The following SMG1 variants were observed in gnomAD, a reference collection of about 807,000 sequenced individuals.
SMG1 encodes SMG1 nonsense mediated mRNA decay associated PI3K related kinase, also known as serine/threonine-protein kinase SMG1.
A neutral mutation model predicts 419.9 loss-of-function variants in SMG1; 22 were observed. The ratio of observed to expected loss-of-function variants is 0.05; its 90% confidence interval spans 0.04 to 0.07. The LOEUF (loss-of-function observed/expected upper bound fraction) is 0.07, where lower values mean the gene tolerates loss of function less well. SMG1 is among the 10% of genes least tolerant of loss of function. SMG1 has a pLI of 1.00. For synonymous variants in SMG1, 1,538 were observed against 1,553.5 expected, an observed-to-expected ratio of 0.99 and a Z score of 0.23; for missense variants, 3,185 against 4,342.0, an observed-to-expected ratio of 0.73 and a Z score of 7.49.
intron 1 of SMG1, among the ~76,000 whole-genome samples, chr16:18,904,760 C>A (rs933923258): frequency 9.3e-5 from 14 of 151,344 alleles, no homozygotes; most frequent in Admixed American, 2.6e-4. Context: ...TGTAGTGAAA[C>A]CCCGTCTCAA....
chr16:18,887,745 A>T (rs2036686628), intron 6 of SMG1, among the ~76,000 whole-genome samples: 1 of 139,338 alleles, frequency 7.2e-6, no homozygotes, highest in African/African-American at 2.7e-5. Context: ...ACCCAAAATA[A>T]AGCATATCAA....
chr16:18,820,481 G>C (rs1158819932), intron 55 of SMG1, among the ~76,000 whole-genome samples: 2 of 152,172 alleles, frequency 1.3e-5, no homozygotes, highest in South Asian at 2.1e-4. Context: ...TGGGATTATA[G>C]GCATGAACCA....
intron 51 of SMG1, among the ~76,000 whole-genome samples, chr16:18,831,788 TATAC>T (rs1352775312): frequency 1.4e-5 from 2 of 146,662 alleles, no homozygotes; most frequent in Admixed American, 6.8e-5. Context: ...TATATATATA[TATAC>T]ACACACACGT....
At position 18,819,436 on chromosome 16, in the gene SMG1, A is replaced by G. The variant is rs551270843; in HGVS notation, c.9894+66T>C. ...AAGCTCCCCTAGTTACCCCACATAT[A>G]ACTTCCAGCTACTCATCTAATCCTG... On this transcript the variant is annotated intron_variant, in intron 56 of 62. Coordinates refer to ENST00000446231, the MANE Select transcript of SMG1 (RefSeq NM_015092.5). The G allele has an allele frequency of 1.7e-5, 26 of 1,545,320 alleles. No individual in the cohort carries two copies. In the African/African-American group the frequency reaches 2.7e-4, roughly 16 times the overall value.
At chr16:18,873,166 C>G (rs1235384821) in intron 13 of SMG1, among the ~76,000 whole-genome samples, 1 of 151,976 alleles carries the variant, frequency 6.6e-6, no homozygotes, top group African/African-American at 2.4e-5. Flanking sequence ...CAAAACAAAA[C>G]AAAAAACACC....
chr16:18,894,884 C>G (rs1265034920), intron 3 of SMG1, among the ~76,000 whole-genome samples: 7 of 152,070 alleles, frequency 4.6e-5, no homozygotes, highest in Non-Finnish European at 8.8e-5. Context: ...GTGGCGCGAT[C>G]TAAGCTCACT....
chr16:18,907,845 CAA>C (rs71141092), intron 1 of SMG1, among the ~76,000 whole-genome samples: 783 of 54,908 alleles, frequency 0.014, 3 homozygotes, highest in African/African-American at 0.048. Flanking sequence ...GAACGAGACT[CAA>C]AAAAAAAAAA....
rs1156376532 is a variant in SMG1 at position 18,869,153 on chromosome 16, C to T, written c.2784G>A (p.Lys928=). Reference sequence around the variant, plus strand: ...GAGCTCTGCCCAGTGGGGTTCTCAGCTTAGAAAGAACAGTGAATTGTGCAG... The same window carrying T: ...GAGCTCTGCCCAGTGGGGTTCTCAGTTTAGAAAGAACAGTGAATTGTGCAG... ...WEAAQFTVLS[K]LRTPLGRAQD... The change falls in exon 20 of 63, where the codon AAG becomes AAA. Residue 928 remains lysine (K), a synonymous_variant. Transcript: ENST00000446231. 6.2e-7 allele frequency: 1 copy of T among 1,611,572 alleles called. No individual in the cohort carries two copies. The highest frequency in any genetic ancestry group is 8.5e-7 in the Non-Finnish European group (1 of 1,179,692).
chr16:18,819,561 C>G lies in SMG1; in HGVS notation c.9835G>C (p.Glu3279Gln). Residue 3279 changes from glutamate (E) to glutamine (Q), a missense_variant, in exon 56 of 63, where the codon GAA becomes CAA. Glu to Gln is a conservative substitution (Grantham distance 29). Coordinates refer to ENST00000446231, the MANE Select transcript of SMG1 (RefSeq NM_015092.5). Reference protein sequence around the residue: ...PALAPVLQDFEATIAERRNLV... With the variant: ...PALAPVLQDFQATIAERRNLV... ...TTTCTTCTTTCAGCTATCGTTGCTT[C>G]AAAATCTTGTAGTACAGGGGCCAAT... The G allele has an allele frequency of 6.2e-7, 1 of 1,604,884 alleles. No homozygotes were observed. The highest frequency in any genetic ancestry group is 8.5e-7 in the Non-Finnish European group (1 of 1,175,316).
At chr16:18,832,804 T>C in intron 51 of SMG1, 136 bp downstream of exon 51, 1 of 743,202 alleles carries the variant, frequency 1.3e-6, no homozygotes, top group South Asian at 1.8e-5. Context: ...TTTAAAAAGA[T>C]ACGTGTATGA....
At chr16:18,880,078 C>T (rs2036316088) in intron 10 of SMG1, among the ~76,000 whole-genome samples, 1 of 152,182 alleles carries the variant, frequency 6.6e-6, no homozygotes, top group African/African-American at 2.4e-5. Flanking sequence ...TGGGAATAGC[C>T]TGCCCACACA....
rs1352789885 is a variant in SMG1 at position 18,815,569 on chromosome 16, C to CATG, written c.10382_10384dup (p.Ser3461dup). On this transcript the variant is annotated inframe_insertion, in exon 59 of 63. Transcript: ENST00000446231. ...TAGAACTGTTTGAATGTTGTCTTGC[C>CATG]ATGATTTATATTCACCCAAAAACTG... The CATG allele has an allele frequency of 1.2e-6, 2 of 1,613,848 alleles. No individual in the cohort carries two copies. Among genetic ancestry groups the CATG allele is most frequent in the Non-Finnish European group, 1.7e-6 (2 of 1,179,884 alleles).
At chr16:18,896,682 A>T (rs1456141216) in intron 2 of SMG1, 111 bp downstream of exon 2, 6 of 691,202 alleles carry the variant, frequency 8.7e-6, no homozygotes, top group Non-Finnish European at 1.2e-5. Context: ...TTTGTTATTC[A>T]TATTTTAAAT....
Position 18,925,955 on chromosome 16 carries a change from T to C in SMG1, c.87A>G (p.Gln29=). The change falls in exon 1 of 63, where the codon CAA becomes CAG. Residue 29 remains glutamine, a synonymous_variant. Transcript: ENST00000446231. ...TKYPRSWNDW[Q]PRTDSASADP... is the part of the protein sequence containing the mutation. ...GTCCCGGGCCGGTCACCCACCTGGGTTGCCAGTCATTCCAGCTCCGCGGAT... is the reference window on the plus strand; with the variant it reads ...GTCCCGGGCCGGTCACCCACCTGGGCTGCCAGTCATTCCAGCTCCGCGGAT... The C allele has an allele frequency of 3.8e-6, 6 of 1,560,774 alleles. No homozygotes were observed. The highest frequency in any genetic ancestry group is 5.2e-6 in the Non-Finnish European group (6 of 1,159,976).
At chr16:18,914,647 G>A (rs1443808598) in intron 1 of SMG1, among the ~76,000 whole-genome samples, 1 of 152,066 alleles carries the variant, frequency 6.6e-6, no homozygotes, top group East Asian at 1.9e-4. Flanking sequence ...TCTCACCACT[G>A]CACTCCAGCC....
In SMG1 at chr16:18,829,197, A is replaced by G. The variant is rs2032986278; in HGVS notation, c.9603+89T>C. The G allele has an allele frequency of 6.7e-6, 8 of 1,192,310 alleles. No individual in the cohort carries two copies. In the Admixed American group the frequency reaches 8.4e-5, roughly 12 times the overall value. The allele number at this position is 1,192,310 out of a possible 1,614,324, so 73.9% of individuals were successfully genotyped here. A position where few individuals can be genotyped will look rare whatever the true frequency, so the allele number is the denominator to read the frequency against. Reference sequence around the variant, plus strand: ...GCTGTGAGTTCAGGAAGTTTTAAAAAAATTTCTGTGTATTGTTTTAAATTA... The same window carrying G: ...GCTGTGAGTTCAGGAAGTTTTAAAAGAATTTCTGTGTATTGTTTTAAATTA... On this transcript the variant is annotated intron_variant, in intron 54 of 62. Transcript: ENST00000446231.
intron 1 of SMG1, 126 bp from the exon 2 acceptor site, chr16:18,897,082 A>T (rs1438914391): frequency 1.5e-5 from 9 of 617,406 alleles, no homozygotes; most frequent in Non-Finnish European, 2.2e-5. Flanking sequence ...TGTACTATAT[A>T]TTATATGTAA....
intron 51 of SMG1, 78 bp downstream of exon 51, chr16:18,832,862 C>A: frequency 7.9e-7 from 1 of 1,265,184 alleles, no homozygotes; most frequent in South Asian, 1.2e-5. Context: ...AGTAAACTTA[C>A]GTTAAAGAGC....
At chr16:18,892,636 G>T (rs35503851) in intron 3 of SMG1, among the ~76,000 whole-genome samples, 1 of 151,972 alleles carries the variant, frequency 6.6e-6, no homozygotes, top group Non-Finnish European at 1.5e-5. Context: ...GGGAGGCTGA[G>T]GCAGGAGAAT....
Sources: allele counts gnomAD v4.1 joint callset (sites outside exome capture counted in the v4.1 genomes callset), GRCh38; gene constraint gnomAD v4.1.1; transcripts MANE v1.5; gene names NCBI Gene and HGNC (gene_info 2026-07-23, HGNC 2026-07-21).